The following CHERP variants were observed in gnomAD, a reference collection of about 807,000 sequenced individuals.
CHERP encodes ERPROT 213-21.
In CHERP, 8 loss-of-function variants were observed where a neutral mutation model predicts 113.8. That is an observed-to-expected ratio of 0.07 (90% CI 0.04 to 0.13). The LOEUF is 0.13. Ranked by LOEUF, CHERP falls within the 10% of genes least tolerant of loss-of-function variation. The probability of loss-of-function intolerance (pLI) is 1.00; values close to 1 mark genes in which losing one functional copy is unlikely to be tolerated. For synonymous variants in CHERP, 559 were observed against 524.5 expected, an observed-to-expected ratio of 1.07 and a Z score of -0.90; for missense variants, 884 against 1,298.2, an observed-to-expected ratio of 0.68 and a Z score of 4.90.
In CHERP at chr19:16,535,557, G is replaced by A. The variant is rs764986888; in HGVS notation, c.279C>T (p.Ala93=). 66 of 1,580,660 alleles carry A rather than the reference G, an allele frequency of 4.2e-5. No homozygotes were observed. The African/African-American group carries it at 6.1e-4, about 15-fold the overall frequency. ...CGCCCTGGGCCGGCGGGATGGGCGC[G>A]GCGGGGGCCAGCGGGGGCTGTGGCA... ...PPLPQPPLAP[A]APIPPAQGAP... Residue 93 remains alanine, a synonymous_variant, in exon 3 of 17, where the codon GCC becomes GCT. Transcript: ENST00000546361. The surrounding 1 kb of genome is among the most constrained non-coding windows in gnomAD (Gnocchi z 4.3).
rs373137182 is a variant in CHERP, at chr19:16,529,796, G to A, written c.981C>T (p.Ser327=). The part of the protein sequence containing the change: ...LKTQHEEFVT[S]LAQQQQQQQQ... ...GCTGCTGCTGCTGCTGCTGGGCCAG[G>A]CTGGTGACAAACTCCTCGTGCTGCG... Residue 327 remains serine (S), a synonymous_variant, in exon 8 of 17, where the codon AGC becomes AGT. Transcript: ENST00000546361. 2 of 1,613,416 alleles carry A rather than the reference G, an allele frequency of 1.2e-6. No homozygotes were observed. The highest frequency in any genetic ancestry group is 1.7e-6 in the Non-Finnish European group (2 of 1,179,922).
intron 2 of CHERP, among the ~76,000 whole-genome samples, chr19:16,536,973 C>T (rs1489082818): frequency 2.0e-5 from 3 of 152,160 alleles, no homozygotes; most frequent in Non-Finnish European, 4.4e-5. Flanking sequence ...GATGGCGCCA[C>T]TGCACTCCAG....
chr19:16,528,041 T>C (rs2085668276), intron 9 of CHERP, 39 bp downstream of exon 9: 4 of 1,604,024 alleles, frequency 2.5e-6, no homozygotes, highest in South Asian at 2.2e-5. Flanking sequence ...TCAGGCCAAG[T>C]GTGCCCCATC....
At chr19:16,539,304 C>A (rs539703320) in intron 2 of CHERP, among the ~76,000 whole-genome samples, 1 of 151,870 alleles carries the variant, frequency 6.6e-6, no homozygotes, top group African/African-American at 2.4e-5. Context: ...CCCGCTACCA[C>A]GCCTGGCTAA....
At position 16,520,712 on chromosome 19, in the gene CHERP, C is replaced by A; in HGVS notation, c.2201+114G>T. On this transcript the variant is annotated intron_variant, in intron 13 of 16. Transcript: ENST00000546361. This position sits in a 1 kb window ranked among gnomAD's most constrained non-coding sequence, Gnocchi z 4.0. Reference sequence around the variant, plus strand: ...TCAGGCCTTGTGGAAAACACCGCCCCATAGGCACAGGCTGTGTGAGGGTGG... The same window carrying A: ...TCAGGCCTTGTGGAAAACACCGCCCAATAGGCACAGGCTGTGTGAGGGTGG... The A allele has an allele frequency of 8.2e-7, 1 of 1,217,810 alleles. No individual in the cohort carries two copies. Among genetic ancestry groups the A allele is most frequent in the South Asian group, 1.2e-5 (1 of 81,882 alleles). 75.4% of individuals were successfully genotyped at this position (1,217,810 alleles called of 1,614,324 possible).
chr19:16,526,064 C>T (rs2085655813), intron 9 of CHERP: 2 of 216,948 alleles, frequency 9.2e-6, no homozygotes, highest in Admixed American at 5.9e-5. Context: ...TCTCAGGGCA[C>T]CCCAGGCACC....
chr19:16,536,215 A>C (rs148213173), intron 2 of CHERP, among the ~76,000 whole-genome samples: 5,566 of 151,786 alleles, frequency 0.037, 133 homozygotes, highest in Non-Finnish European at 0.054. Flanking sequence ...GGGGACAGAG[A>C]CCCCTCTGCA....
chr19:16,539,144 C>T (rs998586041), intron 2 of CHERP, among the ~76,000 whole-genome samples: 8 of 147,324 alleles, frequency 5.4e-5, no homozygotes, highest in Admixed American at 1.4e-4. Context: ...CCTTTAGAAA[C>T]GGTTTTTTTT....
In CHERP at chr19:16,520,564, C is replaced by T; in HGVS notation, c.2202-57G>A. ...CAGTGGATGGGCTGCACCCAGCCCACCCTGGCCCTCAGGTTCCTAGACCAC... is the reference window on the plus strand; with the variant it reads ...CAGTGGATGGGCTGCACCCAGCCCATCCTGGCCCTCAGGTTCCTAGACCAC... On this transcript the variant is annotated intron_variant, in intron 13 of 16. Coordinates refer to ENST00000546361, the MANE Select transcript of CHERP (RefSeq NM_006387.6). This position sits in a 1 kb window ranked among gnomAD's most constrained non-coding sequence, Gnocchi z 4.0. 6.4e-7 allele frequency: 1 copy of T among 1,562,256 alleles called. No individual in the cohort carries two copies. Among genetic ancestry groups the T allele is most frequent in the East Asian group, 2.2e-5 (1 of 44,544 alleles).
chr19:16,522,883 C>T (rs1259208017), intron 11 of CHERP, among the ~76,000 whole-genome samples, 169 bp downstream of exon 11: 3 of 152,146 alleles, frequency 2.0e-5, no homozygotes, highest in South Asian at 2.1e-4. Flanking sequence ...ACAGCCACAC[C>T]GTGCTACTCC....
At chr19:16,527,407 C>CA (rs1487944264) in intron 9 of CHERP, among the ~76,000 whole-genome samples, 2 of 152,216 alleles carry the variant, frequency 1.3e-5, no homozygotes, top group Non-Finnish European at 2.9e-5. Flanking sequence ...AGTCCAGAGC[C>CA]AGTCTCCTTG....
At chr19:16,531,975 C>T (rs12461448) in intron 5 of CHERP, 28,900 of 114,676 alleles carry the variant, frequency 0.25, 3,152 homozygotes, top group African/African-American at 0.44. Context: ...TTTTTTTTTT[C>T]TTTTTTGCTA....
intron 8 of CHERP, among the ~76,000 whole-genome samples, chr19:16,528,592 T>C (rs2085672785): frequency 6.6e-6 from 1 of 152,254 alleles, no homozygotes; most frequent in Non-Finnish European, 1.5e-5. Context: ...CCCACATCTG[T>C]TATTTTCTAT....
chr19:16,523,142 G>A lies in CHERP; in HGVS notation c.1890C>T (p.Gly630=). The part of the protein sequence containing the change: ...NGQPPHMRRQ[G]PPHINHDDPS... ...GGTCATCGTGGTTGATGTGGGGTGGGCCCTGTCGCCGCATGTGTGGGGGCT... is the reference window on the plus strand; with the variant it reads ...GGTCATCGTGGTTGATGTGGGGTGGACCCTGTCGCCGCATGTGTGGGGGCT... The change falls in exon 11 of 17, where the codon GGC becomes GGT. Residue 630 remains glycine (G), a synonymous_variant. Transcript: ENST00000546361. The surrounding 1 kb of genome is among the most constrained non-coding windows in gnomAD (Gnocchi z 4.0). 1 of 1,554,662 alleles carries A rather than the reference G, an allele frequency of 6.4e-7. No individual in the cohort carries two copies. Among genetic ancestry groups the A allele is most frequent in the Admixed American group, 2.0e-5 (1 of 49,000 alleles).
At chr19:16,537,946 A>C (rs1289991217) in intron 2 of CHERP, among the ~76,000 whole-genome samples, 3 of 152,164 alleles carry the variant, frequency 2.0e-5, no homozygotes, top group South Asian at 2.1e-4. Flanking sequence ...AACAGGTTAG[A>C]AACTTAAAAC....
intron 9 of CHERP, among the ~76,000 whole-genome samples, chr19:16,526,628 C>T (rs1462394456): frequency 1.3e-5 from 2 of 152,044 alleles, no homozygotes; most frequent in African/African-American, 4.8e-5. Context: ...GCACCATGCC[C>T]GGCTATTTTT....
intron 2 of CHERP, among the ~76,000 whole-genome samples, chr19:16,536,839 T>C (rs1214340489): frequency 2.0e-5 from 3 of 152,078 alleles, no homozygotes; most frequent in Admixed American, 2.0e-4. Context: ...AACATGGCCC[T>C]GTCTCTACTG....
At chr19:16,536,288 T>C (rs1403979580) in intron 2 of CHERP, among the ~76,000 whole-genome samples, 1 of 152,086 alleles carries the variant, frequency 6.6e-6, no homozygotes, top group Non-Finnish European at 1.5e-5. Flanking sequence ...GAAGCCTGGG[T>C]CAGGGTGGGC....
At position 16,529,888 on chromosome 19, in the gene CHERP, T is replaced by C. The variant is rs1411628635; in HGVS notation, c.889A>G (p.Asn297Asp). 1.7e-5 allele frequency: 28 copies of C among 1,613,206 alleles called. No homozygotes were observed. The highest frequency in any genetic ancestry group is 2.4e-5 in the Non-Finnish European group (28 of 1,179,856). ...GLGQYQATLI[N>D]EYSSVVQPVQ... ...GGCTGGACCACTGAGGAGTACTCGT[T>C]GATGAGGGTGGCCTGAGAGAGAGAA... The change falls in exon 8 of 17, where the codon AAC becomes GAC. Residue 297 changes from asparagine (N) to aspartate (D), a missense_variant. By Grantham distance (23) the Asn-to-Asp change is conservative. Transcript: ENST00000546361.
Sources: allele counts gnomAD v4.1 joint callset (sites outside exome capture counted in the v4.1 genomes callset), GRCh38; gene constraint gnomAD v4.1.1; non-coding constraint Gnocchi (gnomAD v3.1); transcripts MANE v1.5; gene names NCBI Gene and HGNC (gene_info 2026-07-23, HGNC 2026-07-21).